The following CHCHD6 variants were observed in gnomAD, a reference collection of about 807,000 sequenced individuals.
CHCHD6 encodes the protein coiled-coil-helix-coiled-coil-helix domain containing 6.
CHCHD6 carries 28 observed loss-of-function variants against 32.3 expected under a neutral mutation model. That is an observed-to-expected ratio of 0.87 (90% CI 0.64 to 1.19). CHCHD6 has a LOEUF of 1.19. Ranked by LOEUF, CHCHD6 falls within the 50% of genes most tolerant of loss-of-function variation. The pLI is 0.00. For synonymous variants in CHCHD6, 122 were observed against 117.5 expected (o/e 1.04, Z -0.25); for missense variants, 333 against 307.0 (o/e 1.08, Z -0.63).
chr3:126,746,496 T>C (rs1360711569), intron 4 of CHCHD6, among the ~76,000 whole-genome samples: 1 of 152,146 alleles, frequency 6.6e-6, no homozygotes, highest in Non-Finnish European at 1.5e-5. Context: ...GCAGTGGCGC[T>C]TGGTGTGCGA....
intron 4 of CHCHD6, among the ~76,000 whole-genome samples, chr3:126,733,728 A>G (rs753755039): frequency 6.6e-6 from 1 of 152,206 alleles, no homozygotes; most frequent in East Asian, 1.9e-4. Context: ...CAGAGGAGAT[A>G]GTATTTGTCC....
chr3:126,830,805 A>G (rs1940606537), intron 4 of CHCHD6, among the ~76,000 whole-genome samples: 1 of 152,162 alleles, frequency 6.6e-6, no homozygotes. Context: ...TCTGTTACTC[A>G]GAGGACAGCA....
chr3:126,720,133 C>T (rs749300965), intron 1 of CHCHD6, among the ~76,000 whole-genome samples: 9 of 152,302 alleles, frequency 5.9e-5, no homozygotes, highest in South Asian at 4.1e-4. Context: ...CCACCTGCCT[C>T]GGCCTCCCAA....
At chr3:126,919,718 C>G (rs2078220018) in intron 6 of CHCHD6, among the ~76,000 whole-genome samples, 1 of 148,172 alleles carries the variant, frequency 6.7e-6, no homozygotes, top group South Asian at 2.1e-4. Flanking sequence ...AAAAATATAG[C>G]AGTCATTTCT....
At chr3:126,722,287 C>G (rs1363285729) in intron 1 of CHCHD6, among the ~76,000 whole-genome samples, 2 of 152,120 alleles carry the variant, frequency 1.3e-5, no homozygotes. Flanking sequence ...TCCCAAGAAG[C>G]TAGGACTGTA....
At chr3:126,912,145 A>G (rs1401733505) in intron 5 of CHCHD6, among the ~76,000 whole-genome samples, 2 of 152,176 alleles carry the variant, frequency 1.3e-5, no homozygotes, top group Non-Finnish European at 2.9e-5. Context: ...ACTTACCCAA[A>G]GAACACCGCC....
intron 2 of CHCHD6, among the ~76,000 whole-genome samples, chr3:126,729,872 CT>C (rs1408470245): frequency 6.6e-6 from 1 of 152,076 alleles, no homozygotes; most frequent in Non-Finnish European, 1.5e-5. Context: ...AGGTGGTGAG[CT>C]TTGGCTGACA....
intron 4 of CHCHD6, among the ~76,000 whole-genome samples, chr3:126,840,659 T>A (rs1383774793): frequency 6.6e-6 from 1 of 152,110 alleles, no homozygotes; most frequent in African/African-American, 2.4e-5. Context: ...TAGGTATATT[T>A]TCTTTTCTGA....
At chr3:126,719,933 T>G (rs1358752640) in intron 1 of CHCHD6, among the ~76,000 whole-genome samples, 3 of 151,954 alleles carry the variant, frequency 2.0e-5, no homozygotes, top group Non-Finnish European at 4.4e-5. Flanking sequence ...CAGACTGGAG[T>G]GCAATGGCGT....
chr3:126,761,335 C>T (rs762144644), intron 4 of CHCHD6, among the ~76,000 whole-genome samples: 3 of 152,156 alleles, frequency 2.0e-5, no homozygotes, highest in Non-Finnish European at 4.4e-5. Flanking sequence ...GGCATTCTTC[C>T]CTCTGTGTCT....
chr3:126,727,046 CTT>C, intron 1 of CHCHD6, 30 bp from the exon 2 acceptor site: 1 of 1,520,012 alleles, frequency 6.6e-7, no homozygotes, highest in Non-Finnish European at 9.1e-7. Flanking sequence ...TGTGACATAA[CTT>C]TTTCTTTTCC....
intron 4 of CHCHD6, among the ~76,000 whole-genome samples, chr3:126,840,589 T>G (rs1941033324): frequency 6.6e-6 from 1 of 152,194 alleles, no homozygotes; most frequent in African/African-American, 2.4e-5. Context: ...CTCAAAGTTA[T>G]ATTTGTCCTT....
At chr3:126,908,288 C>T (rs2107586689) in intron 5 of CHCHD6, among the ~76,000 whole-genome samples, 1 of 152,314 alleles carries the variant, frequency 6.6e-6, no homozygotes, top group East Asian at 1.9e-4. Flanking sequence ...CACTCCCTTC[C>T]ACCTATCTTG....
intron 6 of CHCHD6, among the ~76,000 whole-genome samples, chr3:126,915,255 G>A (rs891761): frequency 0.057 from 8,639 of 152,316 alleles, 775 homozygotes; most frequent in African/African-American, 0.19. Context: ...TCAGAGAGCT[G>A]CTGGCTTGCT....
chr3:126,862,243 A>ACCT (rs1164556382), intron 5 of CHCHD6, among the ~76,000 whole-genome samples: 2 of 68,980 alleles, frequency 2.9e-5, no homozygotes, highest in Admixed American at 1.6e-4. Flanking sequence ...CTCCATCACC[A>ACCT]CCTCCTCCTC....
At chr3:126,931,583 C>T (rs966286664) in intron 6 of CHCHD6, among the ~76,000 whole-genome samples, 1 of 152,302 alleles carries the variant, frequency 6.6e-6, no homozygotes, top group Non-Finnish European at 1.5e-5. Context: ...GCTCTTTCAC[C>T]TCAGGCAGCT....
intron 4 of CHCHD6, among the ~76,000 whole-genome samples, chr3:126,797,910 G>T (rs1938869925): frequency 6.6e-6 from 1 of 152,232 alleles, no homozygotes; most frequent in African/African-American, 2.4e-5. Context: ...CTCCGTGCCA[G>T]TGTCTGGCTC....
At chr3:126,943,489 A>G (rs1010679213) in intron 6 of CHCHD6, among the ~76,000 whole-genome samples, 5 of 152,146 alleles carry the variant, frequency 3.3e-5, no homozygotes, top group African/African-American at 1.2e-4. Context: ...GGTTGTTCTA[A>G]GGGAAGTCAG....
rs1441416034 is a variant in CHCHD6 at position 126,794,591 on chromosome 3, G to A, written c.412-58056G>A. Among the ~76,000 whole-genome samples the A allele has an allele frequency of 2.6e-5, 4 of 152,032 alleles. 1 individual carries two copies. The highest frequency in any genetic ancestry group is 4.1e-4 in the South Asian group (2 of 4,822). On this transcript the variant is annotated intron_variant, in intron 4 of 7. Coordinates refer to ENST00000290913, the MANE Select transcript of CHCHD6 (RefSeq NM_032343.3). The stretch of plus-strand genomic sequence containing the variant: ...TCCTTTCAGAAAAAGTTTGAATCTT[G>A]TAAACTTTATTTTTTCACATCTAAA...
Sources: gnomAD v4.1 joint callset for allele counts (sites outside exome capture counted in the v4.1 genomes callset) on GRCh38, gnomAD v4.1.1 for gene constraint, MANE v1.5 for transcripts, NCBI Gene and HGNC (gene_info 2026-07-23, HGNC 2026-07-21) for gene names.